CFLAR: variants seen among roughly 807,000 people sequenced by gnomAD.
CFLAR encodes the protein CASP8 and FADD like apoptosis regulator, also known as CASP8 and FADD-like apoptosis regulator.
CFLAR carries 14 observed loss-of-function variants against 51.1 expected under a neutral mutation model. That is an observed-to-expected ratio of 0.27 (90% CI 0.18 to 0.43). The LOEUF (loss-of-function observed/expected upper bound fraction) is 0.43, where lower values mean the gene tolerates loss of function less well. CFLAR is among the 20% of genes least tolerant of loss of function. The probability of loss-of-function intolerance (pLI) is 1.00; values close to 1 mark genes in which losing one functional copy is unlikely to be tolerated. For missense variants in CFLAR, 390 were observed against 566.5 expected (o/e 0.69, Z 3.16); for synonymous variants, 210 against 211.6 (o/e 0.99, Z 0.06).
rs971505839 is a variant in CFLAR, at chr2:201,165,014, C to G, written c.*1041C>G. ...CTCTACCCTCATCACCTAATTACCT[C>G]CCAAAGGCCCCACCTTCTGATACTG... On this transcript the variant is annotated 3_prime_UTR_variant, in exon 10 of 10. Transcript: ENST00000309955. The G allele has an allele frequency of 6.6e-6, 1 of 152,074 alleles. No homozygotes were observed. Among genetic ancestry groups the G allele is most frequent in the African/African-American group, 2.4e-5 (1 of 41,408 alleles). The allele number at this position is 152,074 out of a possible 1,614,324, so 9.4% of individuals were successfully genotyped here. A position where few individuals can be genotyped will look rare whatever the true frequency, so the allele number is the denominator to read the frequency against.
At chr2:201,133,706 G>A (rs1281648520) in intron 3 of CFLAR, among the ~76,000 whole-genome samples, 1 of 151,760 alleles carries the variant, frequency 6.6e-6, no homozygotes, top group Non-Finnish European at 1.5e-5. Context: ...CAAGGTGGGT[G>A]GATCACGAGG....
At chr2:201,153,889 A>G (rs1320411420) in intron 8 of CFLAR, among the ~76,000 whole-genome samples, 1 of 116,244 alleles carries the variant, frequency 8.6e-6, no homozygotes, top group Non-Finnish European at 1.9e-5. Context: ...GGAATATTCT[A>G]TTTTCTTTTC....
chr2:201,140,384 AT>A lies in CFLAR; in HGVS notation c.552del (p.Asn184LysfsTer41). ...CAAGGAGCAGGGACAAGTTACAGGA[AT>A]GTTCTCCAAGCAGCAATCCAAAAGA... ...SVQGAGTSYRNVLQAAIQKSL... is the reference protein window; with the variant it reads ...SVQGAGTSYRXVLQAAIQKSL... On this transcript the variant is annotated frameshift_variant, in exon 5 of 10. Transcript: ENST00000309955. LOFTEE classifies it high-confidence loss of function. The A allele has an allele frequency of 6.2e-7, 1 of 1,611,266 alleles. No homozygotes were observed. The highest frequency in any genetic ancestry group is 8.5e-7 in the Non-Finnish European group (1 of 1,179,262).
chr2:201,170,859 T>C lies in CFLAR; in HGVS notation c.*6886T>C. ...GAGCTTTTAGAATTGACTGCATGTT[T>C]TGGTACCATTTAGATATAGTTTAAG... On this transcript the variant is annotated 3_prime_UTR_variant, in exon 10 of 10. Transcript: ENST00000309955. The C allele has an allele frequency of 6.6e-6, 1 of 152,264 alleles. No individual in the cohort carries two copies. The highest frequency in any genetic ancestry group is 1.9e-4 in the East Asian group (1 of 5,206). 9.4% of individuals were successfully genotyped at this position (152,264 alleles called of 1,614,324 possible).
rs1268466706 is a variant in CFLAR at position 201,175,891 on chromosome 2, G to A, written c.*11918G>A. The A allele has an allele frequency of 6.6e-6, 1 of 152,032 alleles. No homozygotes were observed. Among genetic ancestry groups the A allele is most frequent in the Non-Finnish European group, 1.5e-5 (1 of 68,098 alleles). The allele number at this position is 152,032 out of a possible 1,614,324, so 9.4% of individuals were successfully genotyped here. Reference sequence around the variant, plus strand: ...GGCTGAGGCAGGTGGATTACTTGAGGTCAGTAGTTCGAGACCAGCCTGGCC... The same window carrying A: ...GGCTGAGGCAGGTGGATTACTTGAGATCAGTAGTTCGAGACCAGCCTGGCC... On this transcript the variant is annotated 3_prime_UTR_variant, in exon 10 of 10. Transcript: ENST00000309955.
At position 201,129,958 on chromosome 2, in the gene CFLAR, T is replaced by C. The variant is rs2049078449; in HGVS notation, c.93T>C (p.Asp31=). The change falls in exon 2 of 10, where the codon GAT becomes GAC. Residue 31 remains aspartate, a synonymous_variant. Coordinates refer to ENST00000309955, the MANE Select transcript of CFLAR (RefSeq NM_003879.7). ...LLFLCRDVAI[D]VVPPNVRDLL... Reference sequence around the variant, plus strand: ...TTTTGTGCCGGGATGTTGCTATAGATGTGGTTCCACCTAATGTCAGGGACC... The same window carrying C: ...TTTTGTGCCGGGATGTTGCTATAGACGTGGTTCCACCTAATGTCAGGGACC... 9.3e-6 allele frequency: 15 copies of C among 1,614,186 alleles called. No homozygotes were observed. The highest frequency in any genetic ancestry group is 1.1e-5 in the Non-Finnish European group (13 of 1,180,026).
chr2:201,160,919 C>T lies in CFLAR; in HGVS notation c.1281C>T (p.Leu427=). Residue 427 remains leucine, a synonymous_variant, in exon 9 of 10, where the codon CTC becomes CTT. Coordinates refer to ENST00000309955, the MANE Select transcript of CFLAR (RefSeq NM_003879.7). ...CACCATCCCTGTACCTGCAGTGCCT[C>T]TCCCAGAAACTGAGACAAGAAAGGT... ...HSSPSLYLQC[L]SQKLRQERKR... is the part of the protein sequence containing the mutation. The T allele has an allele frequency of 6.2e-7, 1 of 1,612,274 alleles. No homozygotes were observed. The highest frequency in any genetic ancestry group is 8.5e-7 in the Non-Finnish European group (1 of 1,178,544).
chr2:201,162,814 T>C, intron 9 of CFLAR: 1 of 511,162 alleles, frequency 2.0e-6, no homozygotes, highest in Non-Finnish European at 3.6e-6. Flanking sequence ...CAAACATTTT[T>C]GCATGTCAGT....
At chr2:201,120,023 C>CTTTTTTTTTT (rs34076189) in intron 1 of CFLAR, among the ~76,000 whole-genome samples, 101 of 112,258 alleles carry the variant, frequency 9.0e-4, no homozygotes, top group East Asian at 1.7e-3. Context: ...CTTTTCTTTT[C>CTTTTTTTTTT]TTTTTTTTTT....
At position 201,168,523 on chromosome 2, in the gene CFLAR, A is replaced by G. The variant is rs1024004649; in HGVS notation, c.*4550A>G. On this transcript the variant is annotated 3_prime_UTR_variant, in exon 10 of 10. Coordinates refer to ENST00000309955, the MANE Select transcript of CFLAR (RefSeq NM_003879.7). ...AAACCCACAGCCATTATCATACTGA[A>G]TGGGCAAAAGCTGGAAGCATTCCCC... The G allele has an allele frequency of 6.6e-6, 1 of 152,224 alleles. No individual in the cohort carries two copies. The highest frequency in any genetic ancestry group is 1.5e-5 in the Non-Finnish European group (1 of 68,040). 9.4% of individuals were successfully genotyped at this position (152,224 alleles called of 1,614,324 possible).
chr2:201,167,421 C>G lies in CFLAR; in HGVS notation c.*3448C>G, dbSNP rs1142226. The G allele has an allele frequency of 6.6e-6, 1 of 152,154 alleles. No individual in the cohort carries two copies. Among genetic ancestry groups the G allele is most frequent in the Non-Finnish European group, 1.5e-5 (1 of 68,082 alleles). The allele number at this position is 152,154 out of a possible 1,614,324, so 9.4% of individuals were successfully genotyped here. ...TTGGGAGGCTGAAGTGAGTGGATCC[C>G]CTGAGCCCAGAGAGGTCAAGGTTGT... On this transcript the variant is annotated 3_prime_UTR_variant, in exon 10 of 10. Transcript: ENST00000309955.
Position 201,145,567 on chromosome 2 carries a change from C to G in CFLAR, c.661+135C>G, listed in dbSNP as rs3769828. 4.4e-3 allele frequency: 2,819 copies of G among 642,716 alleles called. 112 individuals carry two copies. The East Asian group carries it at 0.071, about 16-fold the overall frequency. The allele number at this position is 642,716 out of a possible 1,614,324, so 39.8% of individuals were successfully genotyped here. A position where few individuals can be genotyped will look rare whatever the true frequency, so the allele number is the denominator to read the frequency against. ...GCTCTCAAAATAAAAACTGGTTAAA[C>G]TCTTACGATAGACTCATTGGCATTT... is the stretch of plus-strand genomic sequence containing the variant. On this transcript the variant is annotated intron_variant, in intron 6 of 9. Coordinates refer to ENST00000309955, the MANE Select transcript of CFLAR (RefSeq NM_003879.7).
chr2:201,143,369 G>C (rs1171512677), intron 5 of CFLAR: 1 of 152,108 alleles, frequency 6.6e-6, no homozygotes, highest in Non-Finnish European at 1.5e-5. Flanking sequence ...CTACTTGCGA[G>C]GCTGAGGCAG....
intron 5 of CFLAR, chr2:201,141,366 T>C (rs768392980): frequency 3.2e-6 from 5 of 1,555,318 alleles, no homozygotes; most frequent in Middle Eastern, 1.7e-4. Context: ...CTTTTTTCTC[T>C]TCTACAGATG....
intron 1 of CFLAR, among the ~76,000 whole-genome samples, chr2:201,123,685 A>G (rs1376811458): frequency 6.6e-6 from 1 of 152,228 alleles, no homozygotes; most frequent in African/African-American, 2.4e-5. Context: ...AGCCTCATCA[A>G]ATAATTTTAT....
At chr2:201,129,373 C>T (rs768917672) in intron 1 of CFLAR, 11 of 173,028 alleles carry the variant, frequency 6.4e-5, no homozygotes, top group Middle Eastern at 2.4e-3. Flanking sequence ...CCTTCTACTA[C>T]GTACTTCTTC....
At chr2:201,154,912 A>C (rs192058483) in intron 8 of CFLAR, among the ~76,000 whole-genome samples, 1 of 152,388 alleles carries the variant, frequency 6.6e-6, no homozygotes, top group African/African-American at 2.4e-5. Flanking sequence ...GTTGTGCATG[A>C]AATAAGGTTA....
At chr2:201,143,952 A>C (rs1457698456) in intron 5 of CFLAR, among the ~76,000 whole-genome samples, 1 of 151,718 alleles carries the variant, frequency 6.6e-6, no homozygotes, top group African/African-American at 2.4e-5. Flanking sequence ...TCTGTCTCAA[A>C]AAAAAAAAAG....
intron 1 of CFLAR, chr2:201,117,070 C>A (rs2047675180): frequency 6.6e-6 from 1 of 152,158 alleles, no homozygotes; most frequent in Admixed American, 6.5e-5. Context: ...CGTGGACTTT[C>A]CCAACAATTG....
Sources: allele counts gnomAD v4.1 joint callset (sites outside exome capture counted in the v4.1 genomes callset), GRCh38; gene constraint gnomAD v4.1.1; transcripts MANE v1.5; gene names NCBI Gene and HGNC (gene_info 2026-07-23, HGNC 2026-07-21).